MDGA2: variants seen among roughly 807,000 people sequenced by gnomAD.
MDGA2 encodes the protein MAM domain containing glycosylphosphatidylinositol anchor 2.
Under a neutral mutation model 117.8 loss-of-function variants are expected in MDGA2, and 40 were observed. The ratio of observed to expected loss-of-function variants is 0.34; its 90% CI spans 0.26 to 0.44. MDGA2 has a LOEUF of 0.44. MDGA2 is among the 20% of genes least tolerant of loss of function. The pLI is 1.00. For synonymous variants in MDGA2, 452 were observed against 439.0 expected (o/e 1.03, Z -0.37); for missense variants, 1,123 against 1,250.6 (o/e 0.90, Z 1.54).
chr14:47,131,718 T>A lies in MDGA2; in HGVS notation c.921A>T (p.Lys307Asn), dbSNP rs1260747159. The change falls in exon 5 of 17, where the codon AAA becomes AAT. Residue 307 changes from lysine (K) to asparagine (N), a missense_variant. Coordinates refer to ENST00000399232, the MANE Select transcript of MDGA2 (RefSeq NM_001113498.3). ...CATACAGAGATAATTCCATACCTGT[T>A]TTATTGGACAGTCTAAACGACACCA... The part of the protein sequence containing the change: ...DKMVSFRLSN[K>N]TASPSIKLLV... 6.6e-7 allele frequency: 1 copy of A among 1,514,080 alleles called. No homozygotes were observed. The highest frequency in any genetic ancestry group is 9.0e-7 in the Non-Finnish European group (1 of 1,114,326). 93.8% of individuals were successfully genotyped at this position (1,514,080 alleles called of 1,614,324 possible). A position where few individuals can be genotyped will look rare whatever the true frequency, so the allele number is the denominator to read the frequency against.
chr14:47,005,502 T>A (rs1166023192), intron 8 of MDGA2, among the ~76,000 whole-genome samples: 1 of 151,678 alleles, frequency 6.6e-6, no homozygotes, highest in East Asian at 1.9e-4. Flanking sequence ...ATTGCTTGAT[T>A]CAGTTACTAA....
intron 6 of MDGA2, among the ~76,000 whole-genome samples, chr14:47,076,423 T>C (rs543526218): frequency 1.3e-5 from 2 of 152,252 alleles, no homozygotes; most frequent in African/African-American, 4.8e-5. Flanking sequence ...TATGACTCTC[T>C]GAAAGCTCAG....
chr14:47,200,525 T>G lies in MDGA2; in HGVS notation c.595+17496A>C, dbSNP rs1594717614. The G allele has an allele frequency of 2.1e-5, 13 of 611,438 alleles. No homozygotes were observed. The East Asian group carries it at 3.8e-4, about 18-fold the overall frequency. The allele number at this position is 611,438 out of a possible 1,614,324, so 37.9% of individuals were successfully genotyped here. A position where few individuals can be genotyped will look rare whatever the true frequency, so the allele number is the denominator to read the frequency against. Reference sequence around the variant, plus strand: ...TTTCTATTTTTCTTTTCTTTTTTCTTTTTCTTTTCTTTTTTTTTTTTTTTG... The same window carrying G: ...TTTCTATTTTTCTTTTCTTTTTTCTGTTTCTTTTCTTTTTTTTTTTTTTTG... On this transcript the variant is annotated intron_variant, in intron 3 of 16. Coordinates refer to ENST00000399232, the MANE Select transcript of MDGA2 (RefSeq NM_001113498.3).
intron 1 of MDGA2, among the ~76,000 whole-genome samples, chr14:47,432,456 C>T (rs945049115): frequency 6.6e-6 from 1 of 151,952 alleles, no homozygotes. Context: ...CACTTTCTGG[C>T]TCCTATTTTA....
intron 5 of MDGA2, among the ~76,000 whole-genome samples, chr14:47,122,936 G>T (rs1323850141): frequency 6.6e-6 from 1 of 151,884 alleles, no homozygotes; most frequent in African/African-American, 2.4e-5. Flanking sequence ...CTGGACTTTT[G>T]CAAGATTTTC....
chr14:47,416,486 A>G (rs556335968), intron 1 of MDGA2, among the ~76,000 whole-genome samples: 1 of 152,186 alleles, frequency 6.6e-6, no homozygotes, highest in South Asian at 2.1e-4. Context: ...GTAGTTAGGG[A>G]CATGTTGCTC....
At chr14:46,992,207 GA>G (rs1191162160) in intron 8 of MDGA2, among the ~76,000 whole-genome samples, 2 of 151,994 alleles carry the variant, frequency 1.3e-5, no homozygotes, top group African/African-American at 2.4e-5. Flanking sequence ...ATAAGCAAAA[GA>G]AAGAAACGAG....
At chr14:47,175,530 C>T (rs1163486622) in intron 3 of MDGA2, among the ~76,000 whole-genome samples, 1 of 151,532 alleles carries the variant, frequency 6.6e-6, no homozygotes, top group Admixed American at 6.6e-5. Context: ...AGCATATAAA[C>T]AGAACCAAAG....
chr14:47,051,456 T>C (rs1889454745), intron 7 of MDGA2, among the ~76,000 whole-genome samples: 1 of 151,884 alleles, frequency 6.6e-6, no homozygotes, highest in Non-Finnish European at 1.5e-5. Context: ...ATTTTTCTCA[T>C]CCCTTTTCCA....
intron 1 of MDGA2, among the ~76,000 whole-genome samples, chr14:47,620,381 T>G (rs957501291): frequency 1.3e-5 from 2 of 152,228 alleles, no homozygotes; most frequent in Non-Finnish European, 2.9e-5. Flanking sequence ...CTTAGAAAAT[T>G]GTTGTTTAGA....
At chr14:47,629,180 CTTATAAATAATCTGT>C (rs1189994113) in intron 1 of MDGA2, among the ~76,000 whole-genome samples, 1 of 152,144 alleles carries the variant, frequency 6.6e-6, no homozygotes, top group African/African-American at 2.4e-5. Flanking sequence ...ATAAAAACGG[CTTATAAATAATCTGT>C]GTCATATCTG....
chr14:47,034,824 G>A (rs926347862), intron 8 of MDGA2, among the ~76,000 whole-genome samples, 187 bp downstream of exon 8: 1 of 151,830 alleles, frequency 6.6e-6, no homozygotes, highest in South Asian at 2.1e-4. Context: ...CACATTTAGG[G>A]TAGATTATAG....
intron 5 of MDGA2, among the ~76,000 whole-genome samples, chr14:47,097,976 A>G (rs950364184): frequency 4.6e-5 from 7 of 151,980 alleles, no homozygotes; most frequent in African/African-American, 1.7e-4. Context: ...TTCTTCACAT[A>G]TAGCACATTT....
intron 5 of MDGA2, among the ~76,000 whole-genome samples, chr14:47,131,205 T>C (rs1426826450): frequency 6.6e-6 from 1 of 152,082 alleles, no homozygotes; most frequent in Non-Finnish European, 1.5e-5. Context: ...CTGGGGTCTA[T>C]ATTATTGAAC....
intron 1 of MDGA2, among the ~76,000 whole-genome samples, chr14:47,375,756 T>A (rs1891463419): frequency 6.6e-6 from 1 of 152,114 alleles, no homozygotes; most frequent in South Asian, 2.1e-4. Context: ...GATTTAGAGT[T>A]TACAATGTAA....
At chr14:47,537,863 G>C (rs573423183) in intron 1 of MDGA2, among the ~76,000 whole-genome samples, 30 of 152,200 alleles carry the variant, frequency 2.0e-4, no homozygotes, top group Middle Eastern at 3.4e-3. Flanking sequence ...TAAAGCAACT[G>C]GATGAGTTCA....
chr14:47,061,595 C>G lies in MDGA2; in HGVS notation c.1196-17G>C. On this transcript the variant is annotated splice_polypyrimidine_tract_variant and intron_variant, in intron 6 of 16. Coordinates refer to ENST00000399232, the MANE Select transcript of MDGA2 (RefSeq NM_001113498.3). The stretch of plus-strand genomic sequence containing the variant: ...TTTTTAATGCTACAACATAAAAATT[C>G]CATAAGGAGTTAGTGTTACTTTCAT... The G allele has an allele frequency of 1.3e-6, 2 of 1,584,762 alleles. No homozygotes were observed.
At chr14:46,872,226 A>G (rs1193615359) in intron 14 of MDGA2, among the ~76,000 whole-genome samples, 1 of 151,970 alleles carries the variant, frequency 6.6e-6, no homozygotes, top group Non-Finnish European at 1.5e-5. Context: ...ATGGTGGCTG[A>G]TACATATTAT....
intron 6 of MDGA2, among the ~76,000 whole-genome samples, chr14:47,089,107 T>C (rs765548677): frequency 4.6e-5 from 7 of 151,992 alleles, no homozygotes; most frequent in Non-Finnish European, 8.8e-5. Flanking sequence ...TTCCTGAGTA[T>C]AAAAAGAAGG....
Sources: gnomAD v4.1 joint callset for allele counts (sites outside exome capture counted in the v4.1 genomes callset) on GRCh38, gnomAD v4.1.1 for gene constraint, MANE v1.5 for transcripts, NCBI Gene and HGNC (gene_info 2026-07-23, HGNC 2026-07-21) for gene names.